ADAM17: variants seen among roughly 807,000 people sequenced by gnomAD.
ADAM17 encodes disintegrin and metalloproteinase domain-containing protein 17.
A neutral mutation model predicts 96.7 loss-of-function variants in ADAM17; 39 were observed. That is an observed-to-expected ratio of 0.40 (90% CI 0.31 to 0.53). The LOEUF is 0.53. Ranked by LOEUF, ADAM17 falls within the 20% of genes least tolerant of loss-of-function variation. ADAM17 has a pLI of 0.44. For synonymous variants in ADAM17, 344 were observed against 359.2 expected, an observed-to-expected ratio of 0.96 and a Z score of 0.48; for missense variants, 777 against 1,013.2, an observed-to-expected ratio of 0.77 and a Z score of 3.17.
chr2:9,545,021 A>T (rs989082018), intron 1 of ADAM17, among the ~76,000 whole-genome samples: 6 of 152,178 alleles, frequency 3.9e-5, no homozygotes, highest in African/African-American at 1.4e-4. Flanking sequence ...ACTCAGTTTC[A>T]TTCAAGATCA....
At chr2:9,519,434 G>T (rs909306635) in intron 8 of ADAM17, among the ~76,000 whole-genome samples, 2 of 152,186 alleles carry the variant, frequency 1.3e-5, no homozygotes, top group African/African-American at 4.8e-5. Context: ...AAAGCAGACA[G>T]GCGCAGTGGT....
At chr2:9,496,390 A>G (rs1662601796) in intron 14 of ADAM17, 1 of 152,160 alleles carries the variant, frequency 6.6e-6, no homozygotes, top group Non-Finnish European at 1.5e-5. Flanking sequence ...TCGGCCTCCC[A>G]AAGTGATGGG....
At position 9,489,699 on chromosome 2, in the gene ADAM17, T is replaced by TTATC. The variant is rs1313003116; in HGVS notation, c.*474_*477dup. On this transcript the variant is annotated 3_prime_UTR_variant, in exon 19 of 19. Coordinates refer to ENST00000310823, the MANE Select transcript of ADAM17 (RefSeq NM_003183.6). The stretch of plus-strand genomic sequence containing the variant: ...AATTTAGAGACAATGTATACTAGAT[T>TTATC]TATCTCCTTTGTTTTTAGTTGAAGG... 2 of 146,870 alleles carry TTATC rather than the reference T, an allele frequency of 1.4e-5. No individual in the cohort carries two copies. The highest frequency in any genetic ancestry group is 5.1e-5 in the African/African-American group (2 of 38,844). 9.1% of individuals were successfully genotyped at this position (146,870 alleles called of 1,614,324 possible). A position where few individuals can be genotyped will look rare whatever the true frequency, so the allele number is the denominator to read the frequency against.
chr2:9,504,120 C>T (rs1157513069), intron 12 of ADAM17, among the ~76,000 whole-genome samples: 1 of 152,118 alleles, frequency 6.6e-6, no homozygotes, highest in African/African-American at 2.4e-5. Flanking sequence ...CACTGCACTC[C>T]ATCTTGGGCA....
At chr2:9,528,111 A>G (rs1664598952) in intron 4 of ADAM17, among the ~76,000 whole-genome samples, 157 bp from the exon 5 acceptor site, 1 of 152,210 alleles carries the variant, frequency 6.6e-6, no homozygotes, top group Admixed American at 6.5e-5. Context: ...TCAATTTTTA[A>G]TCATATGGAG....
intron 4 of ADAM17, among the ~76,000 whole-genome samples, chr2:9,530,420 G>C (rs1280338161): frequency 6.6e-6 from 1 of 152,178 alleles, no homozygotes; most frequent in African/African-American, 2.4e-5. Flanking sequence ...AGGTAAAGTA[G>C]TGATAATACC....
chr2:9,535,739 A>T, intron 4 of ADAM17, 95 bp downstream of exon 4: 1 of 708,494 alleles, frequency 1.4e-6, no homozygotes, highest in East Asian at 2.9e-5. Flanking sequence ...AGAGGAAAGA[A>T]ATAAGTATAA....
At position 9,526,356 on chromosome 2, in the gene ADAM17, T is replaced by C. The variant is rs1330596703; in HGVS notation, c.620-112A>G. On this transcript the variant is annotated intron_variant, in intron 5 of 18. Coordinates refer to ENST00000310823, the MANE Select transcript of ADAM17 (RefSeq NM_003183.6). Reference sequence around the variant, plus strand: ...AAACAAACATTATGTGAGCTTAATATCACTAAAGGATTCTGAACAACAACA... The same window carrying C: ...AAACAAACATTATGTGAGCTTAATACCACTAAAGGATTCTGAACAACAACA... The C allele has an allele frequency of 1.3e-5, 14 of 1,092,850 alleles. No homozygotes were observed. The East Asian group carries it at 2.8e-4, about 22-fold the overall frequency. The allele number at this position is 1,092,850 out of a possible 1,614,324, so 67.7% of individuals were successfully genotyped here. A position where few individuals can be genotyped will look rare whatever the true frequency, so the allele number is the denominator to read the frequency against.
At chr2:9,552,263 T>C (rs1056605987) in intron 1 of ADAM17, among the ~76,000 whole-genome samples, 3 of 152,198 alleles carry the variant, frequency 2.0e-5, no homozygotes, top group Non-Finnish European at 4.4e-5. Flanking sequence ...GAAACCTATA[T>C]TTAATGTTCT....
intron 2 of ADAM17, 146 bp from the exon 3 acceptor site, chr2:9,536,974 G>C: frequency 1.1e-6 from 1 of 899,602 alleles, no homozygotes; most frequent in South Asian, 1.8e-5. Context: ...TAGGTACTTA[G>C]AGCAATATAT....
intron 4 of ADAM17, among the ~76,000 whole-genome samples, chr2:9,530,595 T>C (rs1164816937): frequency 6.6e-6 from 1 of 152,196 alleles, no homozygotes; most frequent in African/African-American, 2.4e-5. Context: ...GGCAGAAAAC[T>C]GGATTGGATC....
rs1662681454 is a variant in ADAM17 at position 9,497,260 on chromosome 2, C to T, written c.1649-12G>A. Reference sequence around the variant, plus strand: ...CTCACTGCTATTACCTGGAAGCAAACACCAGTCATAACAAAAAGAATGAGT... The same window carrying T: ...CTCACTGCTATTACCTGGAAGCAAATACCAGTCATAACAAAAAGAATGAGT... On this transcript the variant is annotated splice_polypyrimidine_tract_variant and intron_variant, in intron 13 of 18. Coordinates refer to ENST00000310823, the MANE Select transcript of ADAM17 (RefSeq NM_003183.6). 6.2e-7 allele frequency: 1 copy of T among 1,613,692 alleles called. No homozygotes were observed. The highest frequency in any genetic ancestry group is 8.5e-7 in the Non-Finnish European group (1 of 1,179,760).
chr2:9,517,872 A>C, intron 10 of ADAM17, 29 bp downstream of exon 10: 1 of 1,476,160 alleles, frequency 6.8e-7, no homozygotes, highest in Non-Finnish European at 9.2e-7. Flanking sequence ...AAACTCTAAC[A>C]CTATTCTTTT....
Position 9,490,168 on chromosome 2 carries a change from A to G in ADAM17, c.*9T>C, listed in dbSNP as rs1239301502. 6.3e-7 allele frequency: 1 copy of G among 1,582,722 alleles called. No homozygotes were observed. Among genetic ancestry groups the G allele is most frequent in the Non-Finnish European group, 8.6e-7 (1 of 1,156,824 alleles). ...TTGCACACTTAAGTCAGAAGAGCTGAGAACTAAATTAGCACTCTGTTTCTT... is the reference window on the plus strand; with the variant it reads ...TTGCACACTTAAGTCAGAAGAGCTGGGAACTAAATTAGCACTCTGTTTCTT... On this transcript the variant is annotated 3_prime_UTR_variant, in exon 19 of 19. Transcript: ENST00000310823.
chr2:9,501,960 G>A (rs1205842877), intron 13 of ADAM17, among the ~76,000 whole-genome samples: 2 of 151,900 alleles, frequency 1.3e-5, no homozygotes, highest in African/African-American at 4.8e-5. Flanking sequence ...TCTGTGAGGA[G>A]AAAGAGGAGA....
intron 7 of ADAM17, 62 bp downstream of exon 7, chr2:9,523,186 AC>A: frequency 7.8e-7 from 1 of 1,278,666 alleles, no homozygotes; most frequent in Non-Finnish European, 1.1e-6. Flanking sequence ...GGTTTTGAAT[AC>A]AAGTGACAAA....
intron 3 of ADAM17, among the ~76,000 whole-genome samples, chr2:9,536,335 A>C (rs1664958305): frequency 6.6e-6 from 1 of 152,142 alleles, no homozygotes; most frequent in African/African-American, 2.4e-5. Context: ...TGTTTGATAA[A>C]TTTTCTCAAA....
At chr2:9,546,026 A>T (rs1665392513) in intron 1 of ADAM17, among the ~76,000 whole-genome samples, 1 of 151,378 alleles carries the variant, frequency 6.6e-6, no homozygotes, top group South Asian at 2.1e-4. Flanking sequence ...TGAGCCCAGG[A>T]GGTCAAGGCT....
chr2:9,536,657 T>C (rs778393300), intron 3 of ADAM17, 41 bp downstream of exon 3: 1 of 1,610,842 alleles, frequency 6.2e-7, no homozygotes, highest in East Asian at 2.2e-5. Context: ...GGAGACCTAA[T>C]ACACCAGACA....
Sources: allele counts gnomAD v4.1 joint callset (sites outside exome capture counted in the v4.1 genomes callset), GRCh38; gene constraint gnomAD v4.1.1; transcripts MANE v1.5; gene names NCBI Gene and HGNC (gene_info 2026-07-23, HGNC 2026-07-21).